Variants in EHBP1 observed in about 807,000 individuals in gnomAD.
EHBP1 encodes the protein EH domain-binding protein 1.
EHBP1 carries 55 observed loss-of-function variants against 144.0 expected under a neutral mutation model. The ratio of observed to expected loss-of-function variants is 0.38; its 90% confidence interval spans 0.31 to 0.48. The LOEUF (loss-of-function observed/expected upper bound fraction) is 0.48, where lower values mean the gene tolerates loss of function less well. EHBP1 is among the 20% of genes least tolerant of loss of function. EHBP1 has a pLI of 0.98. For missense variants in EHBP1, 1,200 were observed against 1,364.2 expected (o/e 0.88, Z 1.90); for synonymous variants, 469 against 472.7 (o/e 0.99, Z 0.10).
intron 19 of EHBP1, among the ~76,000 whole-genome samples, chr2:63,023,788 T>G (rs578106690): frequency 1.3e-5 from 2 of 152,326 alleles, no homozygotes; most frequent in East Asian, 3.9e-4. Flanking sequence ...TTTTGAAGGA[T>G]CTAGCTCCAT....
chr2:62,712,871 A>G (rs889871159), intron 2 of EHBP1, among the ~76,000 whole-genome samples: 3 of 152,198 alleles, frequency 2.0e-5, no homozygotes, highest in Non-Finnish European at 4.4e-5. Flanking sequence ...TCACATGTGC[A>G]TATCTGTTTA....
At chr2:62,762,802 C>T (rs920835932) in intron 3 of EHBP1, among the ~76,000 whole-genome samples, 1 of 152,008 alleles carries the variant, frequency 6.6e-6, no homozygotes, top group Non-Finnish European at 1.5e-5. Context: ...ATGTTTGGAA[C>T]CTGTTCTCAA....
intron 10 of EHBP1, among the ~76,000 whole-genome samples, chr2:62,907,700 G>T (rs1046490801): frequency 7.9e-5 from 12 of 152,286 alleles, no homozygotes; most frequent in African/African-American, 2.9e-4. Flanking sequence ...ATCTCATTAA[G>T]GGTTAGGGTT....
intron 2 of EHBP1, among the ~76,000 whole-genome samples, chr2:62,730,983 T>C (rs146136755): frequency 1.3e-5 from 2 of 149,872 alleles, no homozygotes; most frequent in African/African-American, 4.9e-5. Context: ...TGATTGATAC[T>C]GCATTGAGTC....
chr2:62,772,625 T>A (rs966789848), intron 5 of EHBP1, among the ~76,000 whole-genome samples: 1 of 152,258 alleles, frequency 6.6e-6, no homozygotes, highest in Non-Finnish European at 1.5e-5. Flanking sequence ...AGCTCTGTGA[T>A]CACTGGGAAA....
In EHBP1 at chr2:63,045,702, A is replaced by AT. The variant is rs1324191074; in HGVS notation, c.*209dup. The stretch of plus-strand genomic sequence containing the variant: ...AACTCCAAAATAGCTTCATTTAAGG[A>AT]TTTTTTTGTGAGTTAACAATTTCCT... On this transcript the variant is annotated 3_prime_UTR_variant, in exon 23 of 23. Transcript: ENST00000431489. The surrounding 1 kb of genome is among the most constrained non-coding windows in gnomAD (Gnocchi z 5.7). The AT allele has an allele frequency of 4.0e-5, 21 of 530,438 alleles. 1 individual carries two copies. In the Middle Eastern group the frequency reaches 1.9e-3, roughly 48 times the overall value. 32.9% of individuals were successfully genotyped at this position (530,438 alleles called of 1,614,324 possible).
chr2:62,968,687 AACT>A (rs745974859), intron 14 of EHBP1, among the ~76,000 whole-genome samples: 2 of 152,168 alleles, frequency 1.3e-5, no homozygotes, highest in Non-Finnish European at 2.9e-5. Flanking sequence ...TAAATACTTG[AACT>A]GTTAGACCTT....
At chr2:62,680,576 A>T (rs1453298873) in intron 1 of EHBP1, among the ~76,000 whole-genome samples, 1 of 152,198 alleles carries the variant, frequency 6.6e-6, no homozygotes, top group Middle Eastern at 3.2e-3. Context: ...CTCATTTCAA[A>T]ATCAGTTTTG....
intron 10 of EHBP1, among the ~76,000 whole-genome samples, chr2:62,912,166 A>T (rs970613824): frequency 2.6e-5 from 4 of 152,186 alleles, no homozygotes; most frequent in African/African-American, 9.6e-5. Flanking sequence ...GCTTTTCAAG[A>T]TAGTCATCAG....
chr2:62,939,342 T>G (rs990596956), intron 10 of EHBP1, among the ~76,000 whole-genome samples: 2 of 152,172 alleles, frequency 1.3e-5, no homozygotes, highest in Non-Finnish European at 2.9e-5. Flanking sequence ...TGGTGCAATC[T>G]CAGCTCACTG....
rs1242370387 is a variant in EHBP1, at chr2:62,993,720, ATATCTATATATAGTATATATATATAG to A, written c.2872+56_2872+81del. On this transcript the variant is annotated intron_variant, in intron 17 of 22. Transcript: ENST00000431489. ...CATGTTATGGTTTAACTATATATAG[ATATCTATATATAGTATATATATATAG>A]TATATATATATAGCATATATATATA... The A allele has an allele frequency of 5.6e-4, 536 of 960,406 alleles. 1 individual carries two copies. Among genetic ancestry groups the A allele is most frequent in the Admixed American group, 1.1e-3 (33 of 30,270 alleles). 59.5% of individuals were successfully genotyped at this position (960,406 alleles called of 1,614,324 possible).
chr2:62,695,336 G>A (rs749496533), intron 1 of EHBP1, among the ~76,000 whole-genome samples: 30 of 152,094 alleles, frequency 2.0e-4, no homozygotes, highest in Non-Finnish European at 3.4e-4. Context: ...ACTCTACTCC[G>A]GATGACAGAG....
At chr2:62,957,390 G>A (rs1271177881) in intron 14 of EHBP1, among the ~76,000 whole-genome samples, 1 of 151,994 alleles carries the variant, frequency 6.6e-6, no homozygotes, top group East Asian at 1.9e-4. Context: ...AAAGCCTATA[G>A]CAAACATACT....
At chr2:62,903,531 G>A (rs981059977) in intron 10 of EHBP1, among the ~76,000 whole-genome samples, 2 of 152,196 alleles carry the variant, frequency 1.3e-5, no homozygotes, top group African/African-American at 2.4e-5. Flanking sequence ...GGAAGGCCGA[G>A]GTGGGAGGAT....
chr2:62,681,594 A>G (rs2033533752), intron 1 of EHBP1, among the ~76,000 whole-genome samples: 1 of 151,914 alleles, frequency 6.6e-6, no homozygotes, highest in Non-Finnish European at 1.5e-5. Flanking sequence ...TTGACAGGCC[A>G]TTTATAGCCA....
intron 1 of EHBP1, among the ~76,000 whole-genome samples, chr2:62,694,905 T>A (rs995816703): frequency 1.3e-5 from 2 of 152,192 alleles, no homozygotes; most frequent in African/African-American, 4.8e-5. Context: ...GAATTTTGTA[T>A]GTTTATGTCA....
intron 2 of EHBP1, among the ~76,000 whole-genome samples, chr2:62,742,479 G>T (rs1423073912): frequency 6.6e-6 from 1 of 151,980 alleles, no homozygotes; most frequent in Non-Finnish European, 1.5e-5. Flanking sequence ...AACCTCCTAA[G>T]ATACTTACCC....
At position 62,979,203 on chromosome 2, in the gene EHBP1, C is replaced by A. The variant is rs564779105; in HGVS notation, c.2476C>A (p.Arg826=). Residue 826 remains arginine, a synonymous_variant, in exon 15 of 23, where the codon CGA becomes AGA. Transcript: ENST00000431489. ...RQLSDQQDEE[R]RRQLRERARQ... is the part of the protein sequence containing the mutation. ...TATATCTTAGCAGCAAGATGAAGAG[C>A]GACGTCGGCAGCTGAGAGAGAGAGC... is the stretch of plus-strand genomic sequence containing the variant. 1 of 1,612,278 alleles carries A rather than the reference C, an allele frequency of 6.2e-7. No homozygotes were observed. The highest frequency in any genetic ancestry group is 8.5e-7 in the Non-Finnish European group (1 of 1,179,126).
At chr2:62,826,310 C>A in intron 6 of EHBP1, 42 bp downstream of exon 6, 1 of 1,518,138 alleles carries the variant, frequency 6.6e-7, no homozygotes, top group Non-Finnish European at 8.9e-7. Context: ...CATTGTGTTT[C>A]AGTACACCAT....
Sources: allele counts gnomAD v4.1 joint callset (sites outside exome capture counted in the v4.1 genomes callset), GRCh38; gene constraint gnomAD v4.1.1; non-coding constraint Gnocchi (gnomAD v3.1); transcripts MANE v1.5; gene names NCBI Gene and HGNC (gene_info 2026-07-23, HGNC 2026-07-21).